The following MYH3 variants were observed in gnomAD, a reference collection of about 807,000 sequenced individuals.
The protein encoded by MYH3 is myosin heavy chain 3, also known as myosin-3.
In MYH3, 130 loss-of-function variants were observed where a neutral mutation model predicts 238.0. The observed-to-expected ratio is 0.55, with a 90% CI of 0.47 to 0.63. The LOEUF (loss-of-function observed/expected upper bound fraction) is 0.63. Among genes scored for constraint, MYH3 ranks in the 30% least tolerant of loss-of-function variants. The pLI is 0.00. For synonymous variants in MYH3, 880 were observed against 924.1 expected (o/e 0.95, Z 0.86); for missense variants, 1,853 against 2,374.9 (o/e 0.78, Z 4.57).
In MYH3 at chr17:10,642,781, GA is replaced by G; in HGVS notation, c.1581+44del. ...TAAATATGAGCTGCAGTAATGAGCA[GA>G]AGAGTCTATGAGAAGAGCTTACGGT... On this transcript the variant is annotated intron_variant, in intron 15 of 40. Transcript: ENST00000583535. The surrounding 1 kb of genome is among the most constrained non-coding windows in gnomAD (Gnocchi z 5.4). 1 of 1,614,188 alleles carries G rather than the reference GA, an allele frequency of 6.2e-7. No individual in the cohort carries two copies. The highest frequency in any genetic ancestry group is 8.5e-7 in the Non-Finnish European group (1 of 1,180,026).
the MYH3 span, among the ~76,000 whole-genome samples, chr17:10,664,920 C>T: frequency 6.6e-6 from 1 of 152,000 alleles, no homozygotes; most frequent in Admixed American, 6.6e-5. Context: ...AATGGATGGG[C>T]CTGAACAATG....
In MYH3 at chr17:10,634,953, G is replaced by A. The variant is rs2142388828; in HGVS notation, c.4243C>T (p.Leu1415=). Residue 1415 remains leucine, a synonymous_variant, in exon 31 of 41, where the codon CTG becomes TTG. Transcript: ENST00000583535. ...VEAVNAKCAS[L]EKTKQRLQGE... ...TGCAGCCTCTGCTTGGTCTTCTCCA[G>A]TGAAGCACATTTAGCATTCACTGCC... 1 of 1,614,106 alleles carries A rather than the reference G, an allele frequency of 6.2e-7. No individual in the cohort carries two copies. Among genetic ancestry groups the A allele is most frequent in the Non-Finnish European group, 8.5e-7 (1 of 1,180,024 alleles).
intron 34 of MYH3, 30 bp downstream of exon 34, chr17:10,632,446 G>A (rs754059973): frequency 1.2e-6 from 2 of 1,605,838 alleles, no homozygotes; most frequent in Non-Finnish European, 1.7e-6. Flanking sequence ...GAGGAGGAGA[G>A]AGGTTTTTCC....
chr17:10,631,901 G>C lies in MYH3; in HGVS notation c.5072C>G (p.Ala1691Gly). Residue 1691 changes from alanine (A) to glycine (G), a missense_variant, in exon 35 of 41, where the codon GCT (alanine) becomes GGT (glycine). This residue lies in a region of MYH3 where 1,044 missense variants were observed against 1,192.6 expected (regional missense o/e 0.88). Coordinates refer to ENST00000583535, the MANE Select transcript of MYH3 (RefSeq NM_002470.4). ...GGCCCTCTCCGTCTGCTCCAGAGTAGCCCGCAGCTCCTCCACCTCGGCCTG... is the reference window on the plus strand; with the variant it reads ...GGCCCTCTCCGTCTGCTCCAGAGTACCCCGCAGCTCCTCCACCTCGGCCTG... Reference protein sequence around the residue: ...LLQAEVEELRATLEQTERARK... With the variant: ...LLQAEVEELRGTLEQTERARK... 6.2e-7 allele frequency: 1 copy of C among 1,614,138 alleles called. No homozygotes were observed. The highest frequency in any genetic ancestry group is 1.1e-5 in the South Asian group (1 of 91,080).
At chr17:10,641,955 C>T (rs145037051) in intron 17 of MYH3, among the ~76,000 whole-genome samples, 69 of 152,296 alleles carry the variant, frequency 4.5e-4, no homozygotes, top group Non-Finnish European at 8.2e-4. Context: ...CCACTGGGAG[C>T]GTGAGGTCTA....
Position 10,642,115 on chromosome 17 carries a change from C to CATTA in MYH3, c.1959+124_1959+125insTAAT. The CATTA allele has an allele frequency of 1.2e-6, 1 of 844,108 alleles. No homozygotes were observed. Among genetic ancestry groups the CATTA allele is most frequent in the Non-Finnish European group, 2.0e-6 (1 of 505,226 alleles). The allele number at this position is 844,108 out of a possible 1,614,324, so 52.3% of individuals were successfully genotyped here. A position where few individuals can be genotyped will look rare whatever the true frequency, so the allele number is the denominator to read the frequency against. On this transcript the variant is annotated intron_variant, in intron 17 of 40. Transcript: ENST00000583535. The surrounding 1 kb of genome is among the most constrained non-coding windows in gnomAD (Gnocchi z 5.4). ...TATTTTATCATCTGTCACTTCACCT[C>CATTA]AGTGACAGTAATCAGATTAAGACAA...
chr17:10,652,425 T>C lies in MYH3; in HGVS notation c.343A>G (p.Ile115Val). The C allele has an allele frequency of 6.2e-7, 1 of 1,613,942 alleles. No homozygotes were observed. The highest frequency in any genetic ancestry group is 8.5e-7 in the Non-Finnish European group (1 of 1,179,988). The change falls in exon 4 of 41, where the codon ATC (isoleucine) becomes GTC (valine). Residue 115 changes from isoleucine to valine, a missense_variant. By Grantham distance (29) the Ile-to-Val change is conservative. Around this residue, in one of 3 missense-constraint regions of MYH3, gnomAD observed 678 missense variants for 1,058.9 expected, o/e 0.64. Transcript: ENST00000583535. ...CGTCGAAAGCCCTCGCTGACATAGATCATCCAAGATGTGTAACGGTCCTTC... is the reference window on the plus strand; with the variant it reads ...CGTCGAAAGCCCTCGCTGACATAGACCATCCAAGATGTGTAACGGTCCTTC... ...NLKDRYTSWMIYTYSGLFCVT... is the reference protein window; with the variant it reads ...NLKDRYTSWMVYTYSGLFCVT...
At position 10,641,033 on chromosome 17, in the gene MYH3, C is replaced by G. The variant is rs1597487005; in HGVS notation, c.2165+52G>C. ...TACGAATCTTTCTCCCTCTCAAATT[C>G]CAGTGTTCGTACATCTCATCCCCAA... On this transcript the variant is annotated intron_variant, in intron 19 of 40. Transcript: ENST00000583535. 2.9e-5 allele frequency: 39 copies of G among 1,346,412 alleles called. No homozygotes were observed. The East Asian group carries it at 8.2e-4, about 28-fold the overall frequency. The allele number at this position is 1,346,412 out of a possible 1,614,324, so 83.4% of individuals were successfully genotyped here. A position where few individuals can be genotyped will look rare whatever the true frequency, so the allele number is the denominator to read the frequency against.
chr17:10,633,994 T>G, intron 32 of MYH3, 23 bp downstream of exon 32: 1 of 1,612,426 alleles, frequency 6.2e-7, no homozygotes, highest in Admixed American at 1.7e-5. Flanking sequence ...GGAGGAGGTT[T>G]CAGAGGGTTT....
chr17:10,676,246 C>G, the MYH3 span: 2 of 152,238 alleles, frequency 1.3e-5, no homozygotes, highest in African/African-American at 4.8e-5. Context: ...CACCCGCCAC[C>G]ACGCCCGGCT....
the MYH3 span, among the ~76,000 whole-genome samples, chr17:10,670,274 T>C: frequency 6.6e-6 from 1 of 152,206 alleles, no homozygotes. This position sits in a 1 kb window ranked among gnomAD's most constrained non-coding sequence, Gnocchi z 7.0. Context: ...CCACAACCCC[T>C]GCAGGCATCA....
At chr17:10,667,448 A>G in the MYH3 span, among the ~76,000 whole-genome samples, 1 of 152,134 alleles carries the variant, frequency 6.6e-6, no homozygotes, top group Admixed American at 6.6e-5. Context: ...TTGGGAGGCC[A>G]AGGCAGATGG....
At chr17:10,645,094 G>A (rs1000963726) in intron 12 of MYH3, among the ~76,000 whole-genome samples, 1 of 150,934 alleles carries the variant, frequency 6.6e-6, no homozygotes, top group Admixed American at 6.6e-5. Flanking sequence ...CTGGAGTGCA[G>A]TGGCACGATC....
rs1437714349 is a variant in MYH3, at chr17:10,635,483, C to A, written c.4056G>T (p.Gln1352His). ...DLLREQYEEEQEGKAELQRAL... is the reference protein window; with the variant it reads ...DLLREQYEEEHEGKAELQRAL... ...CCCTCTGCAGCTCAGCTTTGCCTTC[C>A]TGCTCCTCCTCATACTGTTCCCGCA... is the stretch of plus-strand genomic sequence containing the variant. The change falls in exon 30 of 41, where the codon CAG becomes CAT. Residue 1352 changes from glutamine to histidine, a missense_variant. Gln to His is a conservative substitution (Grantham distance 24). Around this residue, in one of 3 missense-constraint regions of MYH3, gnomAD observed 1,044 missense variants for 1,192.6 expected, o/e 0.88. Coordinates refer to ENST00000583535, the MANE Select transcript of MYH3 (RefSeq NM_002470.4). 6.2e-7 allele frequency: 1 copy of A among 1,614,230 alleles called. No individual in the cohort carries two copies. Among genetic ancestry groups the A allele is most frequent in the South Asian group, 1.1e-5 (1 of 91,088 alleles).
At position 10,654,867 on chromosome 17, in the gene MYH3, G is replaced by T; in HGVS notation, c.198C>A (p.Asp66Glu). The change falls in exon 3 of 41, where the codon GAC (aspartate) becomes GAA (glutamate). Residue 66 changes from aspartate to glutamate, a missense_variant. Asp to Glu is a conservative substitution (Grantham distance 45, BLOSUM62 2). Around this residue, in one of 3 missense-constraint regions of MYH3, gnomAD observed 131 missense variants for 123.5 expected, o/e 1.06. Transcript: ENST00000583535. This position sits in a 1 kb window ranked among gnomAD's most constrained non-coding sequence, Gnocchi z 4.5. Reference protein sequence around the residue: ...QDGKVTVETEDNRTLVVKPED... With the variant: ...QDGKVTVETEENRTLVVKPED... The stretch of plus-strand genomic sequence containing the variant: ...GGAGGGTACAGAGCCTTACCCTGTT[G>T]TCCTCAGTTTCCACAGTGACCTTCC... The T allele has an allele frequency of 6.2e-7, 1 of 1,614,080 alleles. No individual in the cohort carries two copies. The highest frequency in any genetic ancestry group is 8.5e-7 in the Non-Finnish European group (1 of 1,179,978).
At chr17:10,643,757 A>C (rs16943591) in intron 14 of MYH3, among the ~76,000 whole-genome samples, 95,877 of 152,158 alleles carry the variant, frequency 0.63, 32,125 homozygotes, top group Non-Finnish European at 0.77. Context: ...CTCTGTATCT[A>C]TTTGATGGCA....
At position 10,639,551 on chromosome 17, in the gene MYH3, T is replaced by C. The variant is rs1413623214; in HGVS notation, c.2925+9A>G. ...TATATCAAGCTAGACACACCTACAATAAGAATACCTTGTTCTCTGTGGCAT... is the reference window on the plus strand; with the variant it reads ...TATATCAAGCTAGACACACCTACAACAAGAATACCTTGTTCTCTGTGGCAT... On this transcript the variant is annotated intron_variant, in intron 23 of 40. Transcript: ENST00000583535. 3.7e-6 allele frequency: 6 copies of C among 1,614,010 alleles called. No homozygotes were observed. Among genetic ancestry groups the C allele is most frequent in the Non-Finnish European group, 5.1e-6 (6 of 1,180,018 alleles).
chr17:10,639,741 T>C lies in MYH3; in HGVS notation c.2744A>G (p.Gln915Arg). The C allele has an allele frequency of 6.2e-7, 1 of 1,614,016 alleles. No individual in the cohort carries two copies. The highest frequency in any genetic ancestry group is 8.5e-7 in the Non-Finnish European group (1 of 1,180,008). The change falls in exon 23 of 41, where the codon CAG becomes CGG. Residue 915 changes from glutamine to arginine, a missense_variant. This residue lies in a region of MYH3 where 678 missense variants were observed against 1,058.9 expected (regional missense o/e 0.64). Transcript: ENST00000583535. ...RCDQLIKAKF[Q>R]LEAKIKEVTE... ...CACCTCCTTGATCTTGGCCTCGAGCTGGAATTTGGCTTTGATCAGCTGATC... is the reference window on the plus strand; with the variant it reads ...CACCTCCTTGATCTTGGCCTCGAGCCGGAATTTGGCTTTGATCAGCTGATC...
In MYH3 at chr17:10,629,591, A is replaced by C. The variant is rs200347390; in HGVS notation, c.5796+6T>G. ...GGGGGGGGCTCCTCCCAGCTCAGCG[A>C]CTCACCCTGCTGGAGGTGAAGTCTC... On this transcript the variant is annotated splice_donor_region_variant and intron_variant, in intron 40 of 40. Coordinates refer to ENST00000583535, the MANE Select transcript of MYH3 (RefSeq NM_002470.4). 7 of 1,612,590 alleles carry C rather than the reference A, an allele frequency of 4.3e-6. No individual in the cohort carries two copies. Among genetic ancestry groups the C allele is most frequent in the African/African-American group, 1.3e-5 (1 of 74,776 alleles).
Sources: allele counts gnomAD v4.1 joint callset (sites outside exome capture counted in the v4.1 genomes callset), GRCh38; gene constraint gnomAD v4.1.1; regional missense constraint gnomAD v4.1.1; non-coding constraint Gnocchi (gnomAD v3.1); transcripts MANE v1.5; gene names NCBI Gene and HGNC (gene_info 2026-07-23, HGNC 2026-07-21).